Variants in COP1 observed in about 807,000 individuals in gnomAD.
COP1 encodes COP1 E3 ubiquitin ligase.
COP1 carries 24 observed loss-of-function variants against 101.3 expected under a neutral mutation model. The observed-to-expected ratio is 0.24, with a 90% confidence interval of 0.17 to 0.33. COP1 has a LOEUF of 0.33. Ranked by LOEUF, COP1 falls within the 10% of genes least tolerant of loss-of-function variation. The pLI, the probability that COP1 is intolerant of heterozygous loss-of-function variation, is 1.00. For missense variants in COP1, 663 were observed against 906.2 expected, an observed-to-expected ratio of 0.73 and a Z score of 3.45; for synonymous variants, 347 against 341.9, an observed-to-expected ratio of 1.01 and a Z score of -0.17.
At chr1:176,045,700 T>C (rs1198790832) in intron 12 of COP1, among the ~76,000 whole-genome samples, 1 of 151,890 alleles carries the variant, frequency 6.6e-6, no homozygotes, top group Non-Finnish European at 1.5e-5. Context: ...TGAAAAGCAC[T>C]GCTTATAAAG....
Position 175,945,190 on chromosome 1 carries a change from G to C in COP1, c.2179-20C>G, listed in dbSNP as rs761749256. The stretch of plus-strand genomic sequence containing the variant: ...TAGCACCTAATTGGGGGGAAAAAAG[G>C]ATCCATTTAATAAAATCATTTAAGA... On this transcript the variant is annotated intron_variant, in intron 19 of 19. Coordinates refer to ENST00000367669, the MANE Select transcript of COP1 (RefSeq NM_022457.7). The C allele has an allele frequency of 5.9e-6, 9 of 1,536,454 alleles. No individual in the cohort carries two copies. The African/African-American group carries it at 1.2e-4, about 21-fold the overall frequency.
intron 11 of COP1, among the ~76,000 whole-genome samples, chr1:176,075,828 C>A (rs942376320): frequency 4.0e-5 from 6 of 151,748 alleles, no homozygotes; most frequent in African/African-American, 9.7e-5. Flanking sequence ...CATAATGAAA[C>A]CTAGTCTCTA....
chr1:176,057,652 G>T (rs1255027199), intron 11 of COP1, among the ~76,000 whole-genome samples: 1 of 152,194 alleles, frequency 6.6e-6, no homozygotes, highest in African/African-American at 2.4e-5. Context: ...TGGTGCCCAG[G>T]CTGGAGTGCA....
chr1:176,094,264 G>A (rs1374367018), intron 9 of COP1, among the ~76,000 whole-genome samples: 3 of 151,946 alleles, frequency 2.0e-5, no homozygotes, highest in East Asian at 3.9e-4. Context: ...AAACCCTAGA[G>A]TAAATCCTTT....
At chr1:175,971,963 A>ATAG (rs1270698179) in intron 18 of COP1, among the ~76,000 whole-genome samples, 2 of 152,290 alleles carry the variant, frequency 1.3e-5, no homozygotes, top group Non-Finnish European at 2.9e-5. Context: ...TAAAGAAAGA[A>ATAG]TAGGTTTGCG....
chr1:176,027,301 A>G (rs941139070), intron 15 of COP1, among the ~76,000 whole-genome samples: 3 of 152,214 alleles, frequency 2.0e-5, no homozygotes, highest in African/African-American at 4.8e-5. Flanking sequence ...TGAATAAGTA[A>G]TAAGCATTAA....
rs374192901 is a variant in COP1 at position 176,161,751 on chromosome 1, T to C, written c.762+1118A>G. ...CCTGGCAAACAGTAGATGCTAATAG[T>C]AAACTATGGTTAAAACCGTAAGAGA... On this transcript the variant is annotated intron_variant, in intron 5 of 19. Transcript: ENST00000367669. 1.9e-3 allele frequency among the ~76,000 whole-genome samples: 290 copies of C among 152,256 alleles called. 12 individuals carry two copies. The South Asian group carries it at 0.057, about 30-fold the overall frequency.
intron 18 of COP1, among the ~76,000 whole-genome samples, chr1:175,974,251 T>G (rs1043542878): frequency 3.3e-5 from 5 of 152,188 alleles, no homozygotes; most frequent in African/African-American, 1.2e-4. Context: ...CAAGATTAAG[T>G]TTGTGCTTAG....
chr1:176,116,723 T>C (rs370469018), intron 8 of COP1, 42 bp from the exon 9 acceptor site: 3 of 1,382,758 alleles, frequency 2.2e-6, no homozygotes, highest in Non-Finnish European at 3.1e-6. Context: ...AGTATTTACA[T>C]TATTTTAACA....
chr1:176,106,566 C>G (rs1974142), intron 9 of COP1, among the ~76,000 whole-genome samples: 41,277 of 152,128 alleles, frequency 0.27, 6,722 homozygotes, highest in East Asian at 0.52. Context: ...GCTGGCAACA[C>G]CCAGATTGAT....
At chr1:175,988,265 C>A in intron 17 of COP1, 23 bp downstream of exon 17, 6 of 1,581,368 alleles carry the variant, frequency 3.8e-6, no homozygotes, top group Non-Finnish European at 5.2e-6. Context: ...TAAAAAGTTC[C>A]TGGAAACGAT....
At chr1:176,206,287 C>A in intron 1 of COP1, 1 of 445,240 alleles carries the variant, frequency 2.2e-6, no homozygotes, top group South Asian at 3.0e-5. Context: ...ATTTGACCTT[C>A]CACCTCTTCC....
At position 175,966,921 on chromosome 1, in the gene COP1, T is replaced by C. The variant is rs144202653; in HGVS notation, c.2134-19682A>G. Among the ~76,000 whole-genome samples the C allele has an allele frequency of 2.6e-3, 398 of 152,228 alleles. 3 individuals are homozygous for C. The highest frequency in any genetic ancestry group is 9.1e-3 in the African/African-American group (380 of 41,538). The stretch of plus-strand genomic sequence containing the variant: ...CAAATTCCCACTCTCCTTCCAATCT[T>C]CCACCCCCCATACACAAAATCCCAA... On this transcript the variant is annotated intron_variant, in intron 18 of 19. Coordinates refer to ENST00000367669, the MANE Select transcript of COP1 (RefSeq NM_022457.7).
At chr1:176,172,251 A>G (rs1696188993) in intron 3 of COP1, among the ~76,000 whole-genome samples, 1 of 152,194 alleles carries the variant, frequency 6.6e-6, no homozygotes, top group African/African-American at 2.4e-5. Flanking sequence ...TATATTGCGC[A>G]GACTGGTCGC....
intron 11 of COP1, among the ~76,000 whole-genome samples, chr1:176,057,375 C>CT (rs1167519585): frequency 1.3e-5 from 2 of 152,208 alleles, no homozygotes; most frequent in African/African-American, 4.8e-5. Context: ...CGATCTCCCT[C>CT]TGATGCCGAG....
At chr1:175,987,147 C>A in intron 17 of COP1, 44 bp from the exon 18 acceptor site, 2 of 1,082,704 alleles carry the variant, frequency 1.8e-6, no homozygotes, top group South Asian at 1.8e-5. Flanking sequence ...TAGAAAAACT[C>A]GGAATTAGGA....
At chr1:176,050,356 G>A (rs1017107804) in intron 11 of COP1, among the ~76,000 whole-genome samples, 5 of 152,176 alleles carry the variant, frequency 3.3e-5, no homozygotes, top group East Asian at 1.9e-4. Flanking sequence ...AATGAAAGCC[G>A]TCAATAAGCC....
intron 11 of COP1, among the ~76,000 whole-genome samples, chr1:176,063,649 G>A (rs1229506359): frequency 6.6e-6 from 1 of 152,154 alleles, no homozygotes; most frequent in African/African-American, 2.4e-5. Context: ...ATCATTAGTG[G>A]TAGAAAAACA....
intron 18 of COP1, among the ~76,000 whole-genome samples, chr1:175,974,170 T>C (rs1653948256): frequency 6.6e-6 from 1 of 152,184 alleles, no homozygotes; most frequent in South Asian, 2.1e-4. Context: ...GGCAGGAGCT[T>C]GAACTAAAGG....
Sources: allele counts gnomAD v4.1 joint callset (sites outside exome capture counted in the v4.1 genomes callset), GRCh38; gene constraint gnomAD v4.1.1; transcripts MANE v1.5; gene names NCBI Gene and HGNC (gene_info 2026-07-23, HGNC 2026-07-21).